ZCCHC10: variants seen among roughly 807,000 people sequenced by gnomAD.
The protein encoded by ZCCHC10 is zinc finger CCHC-type containing 10.
Under a neutral mutation model 19.5 loss-of-function variants are expected in ZCCHC10, and 16 were observed. The ratio of observed to expected loss-of-function variants is 0.82; its 90% CI spans 0.56 to 1.25. The LOEUF is 1.25. Ranked by LOEUF, ZCCHC10 falls within the 50% of genes most tolerant of loss-of-function variation. ZCCHC10 has a pLI of 0.00. For missense variants in ZCCHC10, 197 were observed against 201.0 expected (o/e 0.98, Z 0.12); for synonymous variants, 67 against 72.5 (o/e 0.92, Z 0.38).
intron 1 of ZCCHC10, among the ~76,000 whole-genome samples, chr5:133,023,654 TC>T (rs1218971265): frequency 6.6e-6 from 1 of 151,504 alleles, no homozygotes; most frequent in Non-Finnish European, 1.5e-5. Context: ...ATGCCTGTAA[TC>T]CCAGCTAAAG....
chr5:133,022,793 T>G (rs564151225), intron 2 of ZCCHC10, 48 bp downstream of exon 2: 512 of 500,252 alleles, frequency 1.0e-3, no homozygotes, highest in Non-Finnish European at 1.6e-3. Flanking sequence ...AGGACACAAA[T>G]GTACATATTT....
intron 2 of ZCCHC10, among the ~76,000 whole-genome samples, chr5:133,016,236 G>A (rs1188901158): frequency 1.5e-5 from 2 of 131,464 alleles, no homozygotes; most frequent in Non-Finnish European, 3.2e-5. Context: ...CTGGGACATT[G>A]CGCTCCAGTT....
intron 1 of ZCCHC10, 62 bp from the exon 2 acceptor site, chr5:133,022,968 T>C (rs1764423908): frequency 2.2e-6 from 1 of 465,060 alleles, no homozygotes; most frequent in East Asian, 3.4e-5. Flanking sequence ...AGAAAATCAA[T>C]ACAAGGCAGG....
chr5:133,009,868 T>C (rs1402472633), intron 2 of ZCCHC10, among the ~76,000 whole-genome samples: 1 of 151,980 alleles, frequency 6.6e-6, no homozygotes, highest in Non-Finnish European at 1.5e-5. Context: ...TCCCTGAAAT[T>C]GGACTGAGAT....
chr5:133,003,378 A>G, intron 3 of ZCCHC10: 1 of 315,922 alleles, frequency 3.2e-6, no homozygotes, highest in Non-Finnish European at 6.3e-6. Context: ...GAAATGTTTT[A>G]CTATAAAGCT....
chr5:133,023,903 G>A (rs1764499158), intron 1 of ZCCHC10, among the ~76,000 whole-genome samples: 1 of 152,086 alleles, frequency 6.6e-6, no homozygotes, highest in African/African-American at 2.4e-5. Context: ...AATATAAAAT[G>A]AAAAGTAAAG....
At position 132,998,641 on chromosome 5, in the gene ZCCHC10, C is replaced by A. The variant is rs778107163; in HGVS notation, c.521G>T (p.Ser174Ile). The part of the protein sequence containing the change: ...DSDSSSSSSS[S>I]TSTDSSSDDE... Reference sequence around the variant, plus strand: ...GTCAGAGCTGCTATCTGTGCTGGTGCTACTGCTACTGGAAGAGCTGGAATC... The same window carrying A: ...GTCAGAGCTGCTATCTGTGCTGGTGATACTGCTACTGGAAGAGCTGGAATC... Residue 174 changes from serine to isoleucine, a missense_variant, in exon 5 of 5, where the codon AGC (serine) becomes ATC (isoleucine). By Grantham distance (142) the Ser-to-Ile change is moderately radical. Coordinates refer to ENST00000509437, the MANE Select transcript of ZCCHC10 (RefSeq NM_001300816.3). 3 of 1,614,094 alleles carry A rather than the reference C, an allele frequency of 1.9e-6. No individual in the cohort carries two copies. Among genetic ancestry groups the A allele is most frequent in the Non-Finnish European group, 2.5e-6 (3 of 1,180,024 alleles).
At chr5:133,020,482 A>G (rs1240651755) in intron 2 of ZCCHC10, among the ~76,000 whole-genome samples, 2 of 151,900 alleles carry the variant, frequency 1.3e-5, no homozygotes, top group Admixed American at 1.3e-4. Flanking sequence ...AAATTGCTGA[A>G]TGTAGTGGGT....
chr5:133,005,978 CTTTTTTTT>C (rs760600232), intron 3 of ZCCHC10, among the ~76,000 whole-genome samples: 780 of 97,192 alleles, frequency 8.0e-3, no homozygotes, highest in Middle Eastern at 0.045. Flanking sequence ...GAAGATGCTG[CTTTTTTTT>C]TTTTTTTTTT....
At chr5:133,025,523 A>AG (rs1764634114) in intron 1 of ZCCHC10, among the ~76,000 whole-genome samples, 2 of 148,536 alleles carry the variant, frequency 1.3e-5, no homozygotes, top group Non-Finnish European at 3.0e-5. Context: ...AAAAAAAAAA[A>AG]AAAAAAAAAA....
chr5:133,026,546 G>C lies in ZCCHC10; in HGVS notation c.-9C>G. ...TGCATGGGAGTCGCCATCTTAGCGC[G>C]GTCAAAGCCGGCCGCGCAGGGTTTT... is the stretch of plus-strand genomic sequence containing the variant. On this transcript the variant is annotated 5_prime_UTR_variant, in exon 1 of 5. Coordinates refer to ENST00000509437, the MANE Select transcript of ZCCHC10 (RefSeq NM_001300816.3). 1 of 1,613,186 alleles carries C rather than the reference G, an allele frequency of 6.2e-7. No homozygotes were observed. Among genetic ancestry groups the C allele is most frequent in the South Asian group, 1.1e-5 (1 of 90,890 alleles).
intron 2 of ZCCHC10, among the ~76,000 whole-genome samples, chr5:133,016,576 G>T (rs762810105): frequency 2.6e-5 from 4 of 152,004 alleles, no homozygotes; most frequent in Non-Finnish European, 5.9e-5. Context: ...CCAAGTAGCT[G>T]GGATTACAGG....
chr5:133,012,919 C>CGGT (rs1763654349), intron 2 of ZCCHC10, among the ~76,000 whole-genome samples: 2 of 151,536 alleles, frequency 1.3e-5, no homozygotes, highest in Admixed American at 6.6e-5. Flanking sequence ...GGCGCAGTGG[C>CGGT]GGGTGCCTGT....
At chr5:133,016,507 A>G (rs1309332092) in intron 2 of ZCCHC10, among the ~76,000 whole-genome samples, 5 of 151,950 alleles carry the variant, frequency 3.3e-5, no homozygotes, top group African/African-American at 1.2e-4. Flanking sequence ...CAATGGCGCA[A>G]TCTTGGCTCA....
Position 133,026,506 on chromosome 5 carries a change from C to A in ZCCHC10, c.32G>T (p.Arg11Leu), listed in dbSNP as rs773600166. 1.2e-6 allele frequency: 2 copies of A among 1,613,770 alleles called. No homozygotes were observed. The highest frequency in any genetic ancestry group is 1.7e-5 in the Admixed American group (1 of 59,972). The change falls in exon 1 of 5, where the codon CGG becomes CTG. Residue 11 changes from arginine (R) to leucine (L), a missense_variant. Transcript: ENST00000509437. ...CCGGATCCTTACTTACGCTTGTCTC[C>A]GGGCTATTAGCCGATGCATGGGAGT... MATPMHRLIA[R>L]RQAFDTELQP...
At chr5:133,022,023 G>C (rs1388240963) in intron 2 of ZCCHC10, among the ~76,000 whole-genome samples, 2 of 151,944 alleles carry the variant, frequency 1.3e-5, no homozygotes, top group Non-Finnish European at 2.9e-5. Context: ...TTGAACTCTG[G>C]ACCTCAGGTC....
chr5:133,012,978 G>A (rs1248793945), intron 2 of ZCCHC10, among the ~76,000 whole-genome samples: 2 of 151,656 alleles, frequency 1.3e-5, no homozygotes, highest in South Asian at 2.1e-4. Context: ...GTGAACCTGG[G>A]AGGCGGAGCT....
chr5:133,022,018 C>T (rs1455830084), intron 2 of ZCCHC10, among the ~76,000 whole-genome samples: 1 of 152,084 alleles, frequency 6.6e-6, no homozygotes, highest in Admixed American at 6.6e-5. Flanking sequence ...TGGTCTTGAA[C>T]TCTGGACCTC....
chr5:133,016,833 A>T (rs1763954906), intron 2 of ZCCHC10, among the ~76,000 whole-genome samples: 1 of 151,914 alleles, frequency 6.6e-6, no homozygotes, highest in Non-Finnish European at 1.5e-5. Context: ...CCCTTATGTA[A>T]CCAATTGCCC....
Sources: allele counts gnomAD v4.1 joint callset (sites outside exome capture counted in the v4.1 genomes callset), GRCh38; gene constraint gnomAD v4.1.1; transcripts MANE v1.5; gene names NCBI Gene and HGNC (gene_info 2026-07-23, HGNC 2026-07-21).